Variants in IMMP2L observed in about 807,000 individuals in gnomAD.
IMMP2L encodes the protein inner mitochondrial membrane peptidase subunit 2, also known as mitochondrial inner membrane protease subunit 2.
IMMP2L carries 18 observed loss-of-function variants against 19.3 expected under a neutral mutation model. The ratio of observed to expected loss-of-function variants is 0.93; its 90% CI spans 0.64 to 1.38. The LOEUF (loss-of-function observed/expected upper bound fraction) is 1.38. Among genes scored for constraint, IMMP2L ranks in the 40% most tolerant of loss-of-function variants. The pLI is 0.00. For missense variants in IMMP2L, 233 were observed against 218.2 expected (o/e 1.07, Z -0.43); for synonymous variants, 76 against 73.0 (o/e 1.04, Z -0.21).
chr7:111,516,674 C>T (rs918662883), intron 2 of IMMP2L, among the ~76,000 whole-genome samples: 41 of 152,062 alleles, frequency 2.7e-4, no homozygotes, highest in Admixed American at 2.0e-4. Flanking sequence ...CAGGAACACA[C>T]GTTTGTTGCT....
chr7:111,424,048 T>C (rs900196124), intron 3 of IMMP2L, among the ~76,000 whole-genome samples: 1 of 151,876 alleles, frequency 6.6e-6, no homozygotes, highest in Admixed American at 6.6e-5. Flanking sequence ...CTGATCAACT[T>C]TGAATAATCA....
chr7:111,057,851 T>C (rs1793654994), intron 3 of IMMP2L, among the ~76,000 whole-genome samples: 1 of 152,202 alleles, frequency 6.6e-6, no homozygotes, highest in African/African-American at 2.4e-5. Flanking sequence ...GTAAAACATG[T>C]GGCCATTATA....
intron 4 of IMMP2L, among the ~76,000 whole-genome samples, chr7:110,921,313 A>T (rs1209587076): frequency 1.3e-5 from 2 of 152,168 alleles, no homozygotes; most frequent in Non-Finnish European, 2.9e-5. Flanking sequence ...CCATCTGAGG[A>T]GGTTTCTCAA....
At chr7:110,680,045 C>T (rs976432353) in intron 5 of IMMP2L, among the ~76,000 whole-genome samples, 2 of 152,132 alleles carry the variant, frequency 1.3e-5, no homozygotes, top group African/African-American at 2.4e-5. Flanking sequence ...TCACACATTA[C>T]GTTTCCCCAA....
chr7:111,120,196 T>C (rs1328131907), intron 3 of IMMP2L, among the ~76,000 whole-genome samples: 1 of 152,170 alleles, frequency 6.6e-6, no homozygotes, highest in Admixed American at 6.6e-5. Context: ...GTCTTTGTGT[T>C]ACTGATTGCA....
At chr7:111,447,896 G>A (rs1838678242) in intron 3 of IMMP2L, among the ~76,000 whole-genome samples, 2 of 149,476 alleles carry the variant, frequency 1.3e-5, no homozygotes, top group Admixed American at 6.7e-5. Context: ...AAAAAAGGCA[G>A]GGGTTGCAAT....
chr7:111,306,429 CT>C (rs1822878385), intron 3 of IMMP2L, among the ~76,000 whole-genome samples: 1 of 152,084 alleles, frequency 6.6e-6, no homozygotes, highest in South Asian at 2.1e-4. Flanking sequence ...TAGAAAATCT[CT>C]GTATGTTCCG....
intron 3 of IMMP2L, among the ~76,000 whole-genome samples, chr7:111,291,183 C>G (rs1821064912): frequency 6.6e-6 from 1 of 151,994 alleles, no homozygotes; most frequent in South Asian, 2.1e-4. Context: ...TAGTATCTTG[C>G]AATTTGGGGT....
At chr7:110,700,978 T>C (rs1184182321) in intron 5 of IMMP2L, among the ~76,000 whole-genome samples, 1 of 152,182 alleles carries the variant, frequency 6.6e-6, no homozygotes, top group Non-Finnish European at 1.5e-5. Flanking sequence ...TTGCAACAGC[T>C]TTTTCAAAAA....
intron 3 of IMMP2L, among the ~76,000 whole-genome samples, chr7:111,160,984 G>A (rs940414235): frequency 2.0e-5 from 3 of 151,332 alleles, no homozygotes; most frequent in South Asian, 2.1e-4. Context: ...CCAATAAGTT[G>A]AAAAAATGTC....
intron 3 of IMMP2L, among the ~76,000 whole-genome samples, chr7:111,361,128 C>T (rs897425582): frequency 1.6e-4 from 25 of 151,964 alleles, no homozygotes; most frequent in Admixed American, 7.9e-4. Flanking sequence ...TAATAGTAAA[C>T]AATAAACTAT....
chr7:111,162,234 T>C (rs1374258325), intron 3 of IMMP2L, among the ~76,000 whole-genome samples: 1 of 152,148 alleles, frequency 6.6e-6, no homozygotes, highest in East Asian at 1.9e-4. Flanking sequence ...TACATGTATG[T>C]ATTTCCAATG....
At chr7:111,158,779 T>C (rs1215918948) in intron 3 of IMMP2L, among the ~76,000 whole-genome samples, 1 of 152,158 alleles carries the variant, frequency 6.6e-6, no homozygotes, top group African/African-American at 2.4e-5. Context: ...ACAAATAATT[T>C]GTTCTGTGAG....
At chr7:111,236,822 G>C (rs1814380663) in intron 3 of IMMP2L, among the ~76,000 whole-genome samples, 1 of 152,056 alleles carries the variant, frequency 6.6e-6, no homozygotes, top group South Asian at 2.1e-4. Context: ...CAATCAAAGG[G>C]CTTACCTCAT....
intron 4 of IMMP2L, among the ~76,000 whole-genome samples, chr7:110,922,463 T>A (rs1814395802): frequency 6.6e-6 from 1 of 152,162 alleles, no homozygotes; most frequent in Non-Finnish European, 1.5e-5. Flanking sequence ...AAACTCCCCA[T>A]CTATTCTTGA....
intron 5 of IMMP2L, among the ~76,000 whole-genome samples, chr7:110,791,987 T>C (rs1006000171): frequency 6.6e-5 from 10 of 151,872 alleles, no homozygotes; most frequent in African/African-American, 2.2e-4. Flanking sequence ...TATGAGAACA[T>C]GGAGTTGAGA....
At chr7:111,506,578 A>T (rs1374969801) in intron 2 of IMMP2L, among the ~76,000 whole-genome samples, 1 of 152,014 alleles carries the variant, frequency 6.6e-6, no homozygotes, top group African/African-American at 2.4e-5. Context: ...TTGTATTTTT[A>T]GTAGAGACAG....
intron 3 of IMMP2L, among the ~76,000 whole-genome samples, chr7:111,358,680 T>C (rs1312580805): frequency 1.3e-5 from 2 of 152,108 alleles, no homozygotes; most frequent in African/African-American, 2.4e-5. Flanking sequence ...GAAATTTCTA[T>C]AGTTTTTGCA....
intron 2 of IMMP2L, among the ~76,000 whole-genome samples, chr7:111,507,090 C>T (rs989876695): frequency 9.2e-5 from 14 of 152,134 alleles, no homozygotes; most frequent in African/African-American, 3.4e-4. Context: ...ATCTTCAAGC[C>T]TTGGCCTCCC....
Sources: gnomAD v4.1 joint callset for allele counts (sites outside exome capture counted in the v4.1 genomes callset) on GRCh38, gnomAD v4.1.1 for gene constraint, MANE v1.5 for transcripts, NCBI Gene and HGNC (gene_info 2026-07-23, HGNC 2026-07-21) for gene names.